Variants in MTMR7 observed in about 807,000 individuals in gnomAD.
The protein encoded by MTMR7 is myotubularin related protein 7.
In MTMR7, 76 loss-of-function variants were observed where a neutral mutation model predicts 81.2. The ratio of observed to expected loss-of-function variants is 0.94; its 90% CI spans 0.78 to 1.13. The LOEUF is 1.13. MTMR7 is among the 50% of genes most tolerant of loss of function. MTMR7 has a pLI of 0.00. For synonymous variants in MTMR7, 372 were observed against 289.8 expected (o/e 1.28, Z -2.88); for missense variants, 1,044 against 820.0 (o/e 1.27, Z -3.34).
chr8:17,351,755 C>T (rs866079380), intron 4 of MTMR7, among the ~76,000 whole-genome samples: 1 of 152,254 alleles, frequency 6.6e-6, no homozygotes, highest in African/African-American at 2.4e-5. Flanking sequence ...AGTACTTGCT[C>T]GGGGAACTCT....
intron 7 of MTMR7, among the ~76,000 whole-genome samples, chr8:17,316,814 G>A (rs762730448): frequency 1.3e-5 from 2 of 152,046 alleles, no homozygotes; most frequent in Non-Finnish European, 2.9e-5. Flanking sequence ...AATACACCAT[G>A]TTATTATGTA....
chr8:17,352,608 T>C (rs892086341), intron 4 of MTMR7, among the ~76,000 whole-genome samples: 3 of 152,134 alleles, frequency 2.0e-5, no homozygotes, highest in South Asian at 2.1e-4. Flanking sequence ...AATGGAACCA[T>C]ATCAAACTTA....
intron 4 of MTMR7, among the ~76,000 whole-genome samples, chr8:17,356,518 G>C (rs1028392354): frequency 2.0e-5 from 3 of 151,990 alleles, no homozygotes; most frequent in African/African-American, 7.3e-5. Flanking sequence ...GGCCAACATG[G>C]TGAAATACCA....
chr8:17,308,186 GGT>G (rs1817587542), intron 10 of MTMR7, among the ~76,000 whole-genome samples: 1 of 151,440 alleles, frequency 6.6e-6, no homozygotes, highest in South Asian at 2.1e-4. Flanking sequence ...AAAAAAAAAA[GGT>G]TGCCTAATAT....
intron 1 of MTMR7, among the ~76,000 whole-genome samples, chr8:17,384,087 A>T (rs1056098067): frequency 6.6e-6 from 1 of 152,176 alleles, no homozygotes. Context: ...GAGAGGGGAA[A>T]AAAGCATACA....
chr8:17,302,605 G>A (rs1817188937), intron 12 of MTMR7, among the ~76,000 whole-genome samples: 1 of 142,684 alleles, frequency 7.0e-6, no homozygotes, highest in Non-Finnish European at 1.5e-5. Context: ...CTTTGAAATT[G>A]TATATTTAGA....
intron 1 of MTMR7, among the ~76,000 whole-genome samples, chr8:17,395,896 G>C (rs111847418): frequency 6.6e-6 from 1 of 152,056 alleles, no homozygotes; most frequent in South Asian, 2.1e-4. Context: ...CATTACAAAG[G>C]AGCCATCCAG....
rs180863218 is a variant in MTMR7, at chr8:17,404,017, C to G, written c.24+9252G>C. Among the ~76,000 whole-genome samples the G allele has an allele frequency of 1.1e-4, 16 of 152,188 alleles. No individual in the cohort carries two copies. The East Asian group carries it at 3.1e-3, about 29-fold the overall frequency. On this transcript the variant is annotated intron_variant, in intron 1 of 13. Coordinates refer to ENST00000180173, the MANE Select transcript of MTMR7 (RefSeq NM_004686.5). ...AATATAAGATCATATCATCTGCAAA[C>G]AAGGATAATTTGACTGTTTCCTTTC...
At chr8:17,352,312 T>C (rs144887676) in intron 4 of MTMR7, among the ~76,000 whole-genome samples, 15 of 152,294 alleles carry the variant, frequency 9.8e-5, no homozygotes, top group South Asian at 4.1e-4. Context: ...ATATGATCCA[T>C]AGCATGGGTG....
chr8:17,395,942 A>T (rs1047320383), intron 1 of MTMR7, among the ~76,000 whole-genome samples: 11 of 152,230 alleles, frequency 7.2e-5, no homozygotes, highest in African/African-American at 2.4e-4. Flanking sequence ...TCATACTGGG[A>T]AATGTATTTA....
At chr8:17,313,956 T>C (rs1216258107) in intron 7 of MTMR7, among the ~76,000 whole-genome samples, 4 of 152,180 alleles carry the variant, frequency 2.6e-5, no homozygotes, top group Admixed American at 2.0e-4. Context: ...AGCTTAAAAA[T>C]AACACATATG....
intron 1 of MTMR7, among the ~76,000 whole-genome samples, chr8:17,408,884 A>T (rs1241547486): frequency 6.6e-6 from 1 of 152,202 alleles, no homozygotes; most frequent in Non-Finnish European, 1.5e-5. Flanking sequence ...AGTGTTCTAG[A>T]ACCAGATGGT....
intron 4 of MTMR7, among the ~76,000 whole-genome samples, chr8:17,354,338 G>C (rs1033874567): frequency 6.6e-6 from 1 of 152,116 alleles, no homozygotes; most frequent in Non-Finnish European, 1.5e-5. Context: ...AAACTGACTG[G>C]TTTGGGTTGT....
chr8:17,376,821 A>T (rs914830012), intron 1 of MTMR7, among the ~76,000 whole-genome samples: 16 of 152,152 alleles, frequency 1.1e-4, no homozygotes, highest in Non-Finnish European at 1.6e-4. Context: ...ATTTTTTAAA[A>T]TCAGAAGTGA....
intron 4 of MTMR7, among the ~76,000 whole-genome samples, chr8:17,358,756 A>G (rs1360045223): frequency 6.6e-6 from 1 of 152,212 alleles, no homozygotes; most frequent in African/African-American, 2.4e-5. Context: ...TTTTAAAACA[A>G]TTAGGCCCTT....
intron 1 of MTMR7, among the ~76,000 whole-genome samples, chr8:17,389,730 C>T (rs923815218): frequency 6.6e-6 from 1 of 151,850 alleles, no homozygotes; most frequent in Non-Finnish European, 1.5e-5. Context: ...GAAGATGTTG[C>T]ACATACAGGA....
Position 17,371,146 on chromosome 8 carries a change from T to A in MTMR7, c.201A>T (p.Gly67=). 6.2e-7 allele frequency: 1 copy of A among 1,614,234 alleles called. No homozygotes were observed. The change falls in exon 3 of 14, where the codon GGA becomes GGT. Residue 67 remains glycine, a synonymous_variant. Transcript: ENST00000180173. ...TCTTGCAGCGAATCAGCAGAGGGCA[T>A]CCGGTAGCGGTTGTTGCCTGTTTCT... is the stretch of plus-strand genomic sequence containing the variant. ...TIEKQATTAT[G]CPLLIRCKNF...
intron 3 of MTMR7, among the ~76,000 whole-genome samples, chr8:17,366,727 A>C (rs554699888): frequency 1.3e-5 from 2 of 152,188 alleles, no homozygotes; most frequent in East Asian, 1.9e-4. Flanking sequence ...TCTACTAAAA[A>C]TACAAAAAAT....
At chr8:17,396,858 C>A (rs886671382) in intron 1 of MTMR7, among the ~76,000 whole-genome samples, 4 of 151,852 alleles carry the variant, frequency 2.6e-5, no homozygotes, top group African/African-American at 9.7e-5. Flanking sequence ...AAAGGACTGT[C>A]TTGCACCTTC....
Sources: allele counts gnomAD v4.1 joint callset (sites outside exome capture counted in the v4.1 genomes callset), GRCh38; gene constraint gnomAD v4.1.1; transcripts MANE v1.5; gene names NCBI Gene and HGNC (gene_info 2026-07-23, HGNC 2026-07-21).